The following HTR2C variants were observed in gnomAD, a reference collection of about 807,000 sequenced individuals.
HTR2C encodes the protein 5-hydroxytryptamine (serotonin) receptor 2C, G protein-coupled.
HTR2C carries 5 observed loss-of-function variants against 21.0 expected under a neutral mutation model. The observed-to-expected ratio is 0.24, with a 90% CI of 0.12 to 0.50. The LOEUF is 0.50. Among genes scored for constraint, HTR2C ranks in the 20% least tolerant of loss-of-function variants. HTR2C has a pLI of 0.98. For synonymous variants in HTR2C, 150 were observed against 145.3 expected (o/e 1.03, Z -0.23); for missense variants, 271 against 371.2 (o/e 0.73, Z 2.22).
intron 5 of HTR2C, among the ~76,000 whole-genome samples, chrX:114,865,219 TTGTTTG>T (rs782756602): frequency 2.0e-3 from 220 of 112,152 alleles, no homozygotes; most frequent in Non-Finnish European, 3.1e-3. Flanking sequence ...CTAACCAATG[TTGTTTG>T]TATCAATAGT....
At chrX:114,596,905 A>G (rs6655327) in intron 1 of HTR2C, among the ~76,000 whole-genome samples, 3,572 of 109,418 alleles carry the variant, frequency 0.033, 148 homozygotes, top group African/African-American at 0.11. Context: ...TTTCTATCAC[A>G]TCATCATCAT....
intron 2 of HTR2C, among the ~76,000 whole-genome samples, chrX:114,726,465 T>C (rs1362632977): frequency 2.7e-5 from 3 of 112,400 alleles, no homozygotes; most frequent in Non-Finnish European, 5.6e-5. Flanking sequence ...AATGCAGAAA[T>C]CACCCTTCTT....
chrX:114,713,619 T>C (rs1556419425), intron 2 of HTR2C, among the ~76,000 whole-genome samples: 1 of 111,664 alleles, frequency 9.0e-6, no homozygotes, highest in Non-Finnish European at 1.9e-5. Context: ...ATCTGATGTT[T>C]CATAAATGGG....
chrX:114,712,414 A>T, intron 2 of HTR2C, among the ~76,000 whole-genome samples: 1 of 111,881 alleles, frequency 8.9e-6, no homozygotes, highest in Non-Finnish European at 1.9e-5. Flanking sequence ...TTTTCAACCT[A>T]TTTAGTCCCT....
At chrX:114,600,850 T>TA (rs2147793592) in intron 1 of HTR2C, among the ~76,000 whole-genome samples, 1 of 112,089 alleles carries the variant, frequency 8.9e-6, no homozygotes, top group Admixed American at 9.5e-5. Flanking sequence ...GATCCAATTT[T>TA]AAAGATCCAT....
intron 2 of HTR2C, among the ~76,000 whole-genome samples, chrX:114,638,172 C>T (rs1478897641): frequency 8.9e-6 from 1 of 111,924 alleles, no homozygotes; most frequent in East Asian, 2.8e-4. Context: ...AGTTTCCTCT[C>T]AGATGAGCTA....
At chrX:114,760,395 C>A (rs1201439386) in intron 4 of HTR2C, among the ~76,000 whole-genome samples, 7 of 111,791 alleles carry the variant, frequency 6.3e-5, no homozygotes, top group Non-Finnish European at 1.3e-4. Flanking sequence ...TACACGGAGT[C>A]AATTCTTGAA....
chrX:114,783,437 T>C (rs2070140143), intron 4 of HTR2C, among the ~76,000 whole-genome samples: 3 of 112,110 alleles, frequency 2.7e-5, no homozygotes, highest in African/African-American at 9.7e-5. Flanking sequence ...ATACAGCAAT[T>C]TGAAACGTGT....
chrX:114,620,399 CAAATG>C (rs1164481396), intron 2 of HTR2C, among the ~76,000 whole-genome samples: 3 of 111,754 alleles, frequency 2.7e-5, no homozygotes, highest in African/African-American at 9.8e-5. Context: ...TAAGCAAACT[CAAATG>C]TATGTCAAAT....
At chrX:114,698,836 C>A (rs781942167) in intron 2 of HTR2C, among the ~76,000 whole-genome samples, 2 of 111,450 alleles carry the variant, frequency 1.8e-5, no homozygotes, top group African/African-American at 3.3e-5. Context: ...AGTTTCAATG[C>A]GAAAAAAGAG....
intron 4 of HTR2C, among the ~76,000 whole-genome samples, chrX:114,742,171 A>G (rs1174068663): frequency 2.7e-5 from 3 of 111,625 alleles, no homozygotes; most frequent in Non-Finnish European, 5.6e-5. Flanking sequence ...GACCAGAAAA[A>G]GAGGACTTTG....
At chrX:114,858,333 C>T (rs1238827464) in intron 5 of HTR2C, among the ~76,000 whole-genome samples, 1 of 111,138 alleles carries the variant, frequency 9.0e-6, no homozygotes, top group Non-Finnish European at 1.9e-5. Flanking sequence ...AATCCATGTA[C>T]GTATGCATAT....
At chrX:114,876,867 T>C (rs1364682365) in intron 5 of HTR2C, among the ~76,000 whole-genome samples, 1 of 111,017 alleles carries the variant, frequency 9.0e-6, no homozygotes, top group East Asian at 2.8e-4. Flanking sequence ...TTTGAGATTT[T>C]TGCACCTATG....
At chrX:114,722,291 G>A (rs1336929064) in intron 2 of HTR2C, among the ~76,000 whole-genome samples, 2 of 111,203 alleles carry the variant, frequency 1.8e-5, no homozygotes, top group Non-Finnish European at 3.8e-5. Flanking sequence ...TTGTGAATGG[G>A]AGTTCACTTA....
chrX:114,846,156 A>G (rs1199064189), intron 4 of HTR2C, among the ~76,000 whole-genome samples: 2 of 111,932 alleles, frequency 1.8e-5, no homozygotes, highest in African/African-American at 6.5e-5. Flanking sequence ...AGAGTCATAT[A>G]AAAAGTAACT....
intron 2 of HTR2C, among the ~76,000 whole-genome samples, chrX:114,625,811 G>T (rs1355550031): frequency 9.0e-6 from 1 of 111,006 alleles, no homozygotes; most frequent in Non-Finnish European, 1.9e-5. Flanking sequence ...TTCATGAAAA[G>T]CTTGGAAACC....
At chrX:114,642,595 A>G (rs1433521890) in intron 2 of HTR2C, among the ~76,000 whole-genome samples, 1 of 112,007 alleles carries the variant, frequency 8.9e-6, no homozygotes, top group Non-Finnish European at 1.9e-5. Flanking sequence ...GGTAGATGCC[A>G]GTCAGATTAA....
At chrX:114,670,726 G>A (rs1386964358) in intron 2 of HTR2C, among the ~76,000 whole-genome samples, 6 of 112,359 alleles carry the variant, frequency 5.3e-5, no homozygotes, top group Non-Finnish European at 9.4e-5. Context: ...ATCATTAAAT[G>A]TATAAATTTT....
At chrX:114,785,622 C>T (rs1199984991) in intron 4 of HTR2C, among the ~76,000 whole-genome samples, 1 of 111,083 alleles carries the variant, frequency 9.0e-6, no homozygotes, top group Non-Finnish European at 1.9e-5. Context: ...CATACTATAC[C>T]CCAAATAAAT....
Sources: allele counts gnomAD v4.1 joint callset (sites outside exome capture counted in the v4.1 genomes callset), GRCh38; gene constraint gnomAD v4.1.1; transcripts MANE v1.5; gene names NCBI Gene and HGNC (gene_info 2026-07-23, HGNC 2026-07-21).